XRN2: variants seen among roughly 807,000 people sequenced by gnomAD.
The protein encoded by XRN2 is DHM1-like protein.
A neutral mutation model predicts 138.5 loss-of-function variants in XRN2; 44 were observed. That is an observed-to-expected ratio of 0.32 (90% CI 0.25 to 0.41). The LOEUF is 0.41. Among genes scored for constraint, XRN2 ranks in the 10% least tolerant of loss-of-function variants. The pLI is 1.00. For missense variants in XRN2, 937 were observed against 1,169.3 expected, an observed-to-expected ratio of 0.80 and a Z score of 2.90; for synonymous variants, 354 against 369.4, an observed-to-expected ratio of 0.96 and a Z score of 0.48.
chr20:21,372,944 G>A (rs2038779248), intron 27 of XRN2, among the ~76,000 whole-genome samples: 1 of 151,936 alleles, frequency 6.6e-6, no homozygotes, highest in South Asian at 2.1e-4. Context: ...TTAAAAGCTT[G>A]CCTTTTTTTC....
At chr20:21,382,469 G>C (rs528523169) in intron 28 of XRN2, among the ~76,000 whole-genome samples, 1 of 152,300 alleles carries the variant, frequency 6.6e-6, no homozygotes, top group Non-Finnish European at 1.5e-5. Context: ...ATTGATTCTT[G>C]CTACAAACCT....
At chr20:21,337,616 C>G (rs2122226610) in intron 13 of XRN2, among the ~76,000 whole-genome samples, 1 of 152,196 alleles carries the variant, frequency 6.6e-6, no homozygotes, top group South Asian at 2.1e-4. Context: ...GTACTGGGCC[C>G]AGGGGAGCAC....
At chr20:21,345,984 TTTAGTTGAC>T (rs2038431072) in intron 16 of XRN2, among the ~76,000 whole-genome samples, 1 of 152,232 alleles carries the variant, frequency 6.6e-6, no homozygotes, top group Non-Finnish European at 1.5e-5. Flanking sequence ...TCTTAAGTAA[TTTAGTTGAC>T]TTTCTTTGTA....
intron 6 of XRN2, 124 bp from the exon 7 acceptor site, chr20:21,331,437 A>G: frequency 1.5e-6 from 1 of 680,442 alleles, no homozygotes; most frequent in South Asian, 1.6e-5. Context: ...ACACACACAC[A>G]CCCTTATTCA....
intron 28 of XRN2, among the ~76,000 whole-genome samples, chr20:21,385,726 C>T (rs930698003): frequency 6.6e-6 from 1 of 152,174 alleles, no homozygotes; most frequent in Admixed American, 6.5e-5. Flanking sequence ...AGGATGGATT[C>T]AGGCTTGAAT....
chr20:21,346,732 G>C (rs1300885543), intron 17 of XRN2, among the ~76,000 whole-genome samples, 182 bp downstream of exon 17: 5 of 152,058 alleles, frequency 3.3e-5, no homozygotes, highest in South Asian at 2.1e-4. Flanking sequence ...CGATTCTCCT[G>C]CCTCAGCCTC....
At chr20:21,370,742 A>G (rs2122325334) in intron 27 of XRN2, among the ~76,000 whole-genome samples, 1 of 152,330 alleles carries the variant, frequency 6.6e-6, no homozygotes, top group South Asian at 2.1e-4. Context: ...TTGCAGTGGG[A>G]AAGGGAAAAG....
intron 15 of XRN2, among the ~76,000 whole-genome samples, chr20:21,342,907 G>T (rs535183796): frequency 3.9e-4 from 60 of 152,194 alleles, no homozygotes; most frequent in African/African-American, 1.4e-3. Flanking sequence ...AAGTACAACA[G>T]TGCCTTCCTG....
At chr20:21,388,567 T>G (rs1213915785) in intron 29 of XRN2, among the ~76,000 whole-genome samples, 2 of 152,178 alleles carry the variant, frequency 1.3e-5, no homozygotes, top group Non-Finnish European at 2.9e-5. Context: ...TGGCCTTGAG[T>G]CTGCACATGT....
intron 19 of XRN2, 90 bp from the exon 20 acceptor site, chr20:21,349,299 C>A: frequency 1.1e-6 from 1 of 897,572 alleles, no homozygotes; most frequent in Non-Finnish European, 1.8e-6. Context: ...TCTCATCAGA[C>A]CTTATAACTT....
rs544466060 is a variant in XRN2, at chr20:21,352,997, A to G, written c.1937-1792A>G. Among the ~76,000 whole-genome samples the G allele has an allele frequency of 5.3e-5, 8 of 151,998 alleles. No individual in the cohort carries two copies. In the South Asian group the frequency reaches 8.3e-4, roughly 16 times the overall value. ...ATCTGGATGTAAGGCATTCCTTTCT[A>G]TGCTGGCCAGTAGGGGTAATTTATT... On this transcript the variant is annotated intron_variant, in intron 20 of 29. Transcript: ENST00000377191.
intron 26 of XRN2, among the ~76,000 whole-genome samples, chr20:21,366,088 A>T (rs2038695749): frequency 8.7e-6 from 1 of 114,890 alleles, no homozygotes; most frequent in Non-Finnish European, 1.7e-5. Context: ...TTTATAGTTT[A>T]TATATATAAC....
intron 24 of XRN2, among the ~76,000 whole-genome samples, chr20:21,358,057 T>C (rs1418993883): frequency 6.6e-6 from 1 of 152,148 alleles, no homozygotes; most frequent in Non-Finnish European, 1.5e-5. Flanking sequence ...ATTAGGCAAG[T>C]GGGAGGTAAA....
chr20:21,320,295 G>GTATTTATT (rs1464861300), intron 1 of XRN2, among the ~76,000 whole-genome samples: 64 of 148,220 alleles, frequency 4.3e-4, no homozygotes, highest in Middle Eastern at 3.5e-3. Flanking sequence ...ATTTATTTAT[G>GTATTTATT]TATTTATTTA....
At chr20:21,321,263 G>A (rs202833) in intron 1 of XRN2, among the ~76,000 whole-genome samples, 136,796 of 149,804 alleles carry the variant, frequency 0.91, 62,681 homozygotes, top group Non-Finnish European at 0.95. Context: ...TCGGTGTCCC[G>A]AATTGCTCTG....
At chr20:21,368,113 T>A (rs1332975725) in intron 26 of XRN2, among the ~76,000 whole-genome samples, 1 of 152,070 alleles carries the variant, frequency 6.6e-6, no homozygotes, top group Non-Finnish European at 1.5e-5. Flanking sequence ...AATAGCAAGA[T>A]GTAGAGTAGT....
chr20:21,384,406 T>C (rs768740727), intron 28 of XRN2, among the ~76,000 whole-genome samples: 9 of 152,206 alleles, frequency 5.9e-5, no homozygotes, highest in Admixed American at 2.0e-4. Context: ...CCAGTAACTT[T>C]CCAAAACAAT....
chr20:21,382,089 A>G lies in XRN2; in HGVS notation c.2648+32A>G, dbSNP rs2038891780. ...TTAAAAGTAGACATGACTTTTAAATACTTTCTGACACCAACATTTGGGGTT... is the reference window on the plus strand; with the variant it reads ...TTAAAAGTAGACATGACTTTTAAATGCTTTCTGACACCAACATTTGGGGTT... On this transcript the variant is annotated intron_variant, in intron 28 of 29. Coordinates refer to ENST00000377191, the MANE Select transcript of XRN2 (RefSeq NM_012255.5). 1.9e-6 allele frequency: 3 copies of G among 1,562,978 alleles called. No individual in the cohort carries two copies. In the South Asian group the frequency reaches 3.5e-5, roughly 18 times the overall value.
chr20:21,335,675 T>A (rs1600689182), intron 13 of XRN2, among the ~76,000 whole-genome samples: 1 of 152,342 alleles, frequency 6.6e-6, no homozygotes, highest in East Asian at 1.9e-4. Flanking sequence ...TCAACAATTA[T>A]GGTGGCATCC....
Sources: allele counts gnomAD v4.1 joint callset (sites outside exome capture counted in the v4.1 genomes callset), GRCh38; gene constraint gnomAD v4.1.1; transcripts MANE v1.5; gene names NCBI Gene and HGNC (gene_info 2026-07-23, HGNC 2026-07-21).